The following SLC14A2 variants were observed in gnomAD, a reference collection of about 807,000 sequenced individuals.
SLC14A2 encodes solute carrier family 14 member 2, also known as urea transporter 2.
In SLC14A2, 91 loss-of-function variants were observed where a neutral mutation model predicts 104.6. The observed-to-expected ratio is 0.87, with a 90% CI of 0.73 to 1.04. The LOEUF (loss-of-function observed/expected upper bound fraction) is 1.04, where lower values mean the gene tolerates loss of function less well. Among genes scored for constraint, SLC14A2 ranks in the 50% least tolerant of loss-of-function variants. The pLI is 0.00. For missense variants in SLC14A2, 1,189 were observed against 1,156.0 expected (o/e 1.03, Z -0.41); for synonymous variants, 476 against 466.4 (o/e 1.02, Z -0.27).
intron 2 of SLC14A2, among the ~76,000 whole-genome samples, chr18:45,500,471 G>A (rs1205049346): frequency 2.6e-5 from 4 of 151,788 alleles, no homozygotes; most frequent in African/African-American, 9.7e-5. Context: ...CAGCTACTCG[G>A]GAGGCTGAGG....
intron 2 of SLC14A2, among the ~76,000 whole-genome samples, chr18:45,589,870 A>G (rs1161833720): frequency 6.6e-6 from 1 of 152,142 alleles, no homozygotes; most frequent in Non-Finnish European, 1.5e-5. Flanking sequence ...TGAAGAAAGA[A>G]TGCAAAGAAA....
intron 1 of SLC14A2, among the ~76,000 whole-genome samples, chr18:45,331,351 G>A (rs1216664347): frequency 1.3e-5 from 2 of 152,152 alleles, no homozygotes; most frequent in East Asian, 1.9e-4. Flanking sequence ...TTCTAAAGAT[G>A]GCAAAGAAGT....
intron 1 of SLC14A2, among the ~76,000 whole-genome samples, chr18:45,620,068 G>A (rs965301552): frequency 1.3e-5 from 2 of 152,164 alleles, no homozygotes; most frequent in African/African-American, 2.4e-5. Context: ...TGCATGTCTC[G>A]CCCCCTACCC....
intron 2 of SLC14A2, among the ~76,000 whole-genome samples, chr18:45,505,673 GC>G (rs1401995778): frequency 2.0e-5 from 3 of 151,616 alleles, no homozygotes; most frequent in Non-Finnish European, 4.4e-5. Flanking sequence ...GTAGTCCTCG[GC>G]CCCCCGAGCA....
intron 13 of SLC14A2, 143 bp from the exon 14 acceptor site, chr18:45,667,690 C>A: frequency 1.5e-6 from 1 of 656,246 alleles, no homozygotes; most frequent in Non-Finnish European, 2.7e-6. Context: ...CCTTGTTTAC[C>A]ATCTTTGGTG....
intron 1 of SLC14A2, among the ~76,000 whole-genome samples, chr18:45,225,840 G>A (rs1038570245): frequency 1.3e-5 from 2 of 152,154 alleles, no homozygotes; most frequent in Non-Finnish European, 2.9e-5. Context: ...CACTGACTTT[G>A]TATCCTGAGA....
intron 1 of SLC14A2, among the ~76,000 whole-genome samples, chr18:45,280,025 C>A (rs1314740261): frequency 1.3e-5 from 2 of 152,198 alleles, no homozygotes; most frequent in Non-Finnish European, 2.9e-5. Context: ...AATATCTCTA[C>A]ACATTGCCAA....
chr18:45,463,426 G>A (rs2087081439), intron 1 of SLC14A2, among the ~76,000 whole-genome samples: 1 of 152,230 alleles, frequency 6.6e-6, no homozygotes, highest in Non-Finnish European at 1.5e-5. Context: ...GGGAGATGAT[G>A]AGGGGGGAGC....
chr18:45,512,385 GT>G (rs1336629771), intron 2 of SLC14A2, among the ~76,000 whole-genome samples: 2 of 152,186 alleles, frequency 1.3e-5, no homozygotes, highest in Non-Finnish European at 2.9e-5. Context: ...TCCTTTCTCA[GT>G]TTTACACTGC....
Position 45,672,911 on chromosome 18 carries a change from C to A in SLC14A2, c.2241C>A (p.Ala747=). The A allele has an allele frequency of 6.2e-7, 1 of 1,613,484 alleles. No homozygotes were observed. The highest frequency in any genetic ancestry group is 2.2e-5 in the East Asian group (1 of 44,876). Residue 747 remains alanine, a synonymous_variant, in exon 17 of 20, where the codon GCC becomes GCA. Transcript: ENST00000255226. ...SEVQVPLLLR[A]IPVGIGQVYG... ...TGTTATGCCTACAGCTTTTGAGAGC[C>A]ATCCCCGTTGGAATTGGCCAAGTGT...
intron 1 of SLC14A2, among the ~76,000 whole-genome samples, chr18:45,249,296 T>A (rs79446589): frequency 2.0e-5 from 3 of 151,600 alleles, no homozygotes; most frequent in Non-Finnish European, 2.9e-5. Context: ...TTTTTTTTTT[T>A]ATCTGCCCTG....
intron 1 of SLC14A2, among the ~76,000 whole-genome samples, chr18:45,350,185 G>A (rs1392799780): frequency 1.3e-5 from 2 of 152,234 alleles, no homozygotes; most frequent in East Asian, 1.9e-4. Context: ...TAGCCAGAAA[G>A]CCAGAGAAAC....
intron 1 of SLC14A2, among the ~76,000 whole-genome samples, chr18:45,468,170 A>T (rs1352737708): frequency 6.6e-6 from 1 of 152,094 alleles, no homozygotes; most frequent in Non-Finnish European, 1.5e-5. Flanking sequence ...ATTTGAAAGG[A>T]TGCAGGAGGC....
At chr18:45,556,519 C>T (rs549766293) in intron 2 of SLC14A2, among the ~76,000 whole-genome samples, 2 of 152,270 alleles carry the variant, frequency 1.3e-5, no homozygotes, top group South Asian at 4.2e-4. Context: ...TCTGGGTTCT[C>T]GGCCTACTTC....
chr18:45,480,631 A>G (rs2087473952), intron 1 of SLC14A2, among the ~76,000 whole-genome samples: 1 of 152,190 alleles, frequency 6.6e-6, no homozygotes, highest in African/African-American at 2.4e-5. Context: ...CCCACAGCCC[A>G]CATAACCAGA....
intron 1 of SLC14A2, among the ~76,000 whole-genome samples, chr18:45,328,563 T>C (rs2085258791): frequency 6.6e-6 from 1 of 152,108 alleles, no homozygotes; most frequent in Non-Finnish European, 1.5e-5. Context: ...CTTGGAGGGG[T>C]ATTTGGACAT....
At chr18:45,455,829 C>T (rs1375701882) in intron 1 of SLC14A2, among the ~76,000 whole-genome samples, 5 of 151,912 alleles carry the variant, frequency 3.3e-5, no homozygotes, top group African/African-American at 1.2e-4. Context: ...GTATATTAGA[C>T]AAAAGCTATG....
intron 1 of SLC14A2, among the ~76,000 whole-genome samples, chr18:45,264,609 A>C (rs772882939): frequency 3.9e-5 from 6 of 152,292 alleles, no homozygotes; most frequent in Middle Eastern, 3.4e-3. Context: ...GGAGGAGCAA[A>C]ATCATGTCTT....
intron 10 of SLC14A2, among the ~76,000 whole-genome samples, chr18:45,651,669 C>CG (rs2045739597): frequency 6.6e-6 from 1 of 152,116 alleles, no homozygotes. Context: ...ATTACCACTG[C>CG]GGCCTCTCTT....
Sources: gnomAD v4.1 joint callset for allele counts (sites outside exome capture counted in the v4.1 genomes callset) on GRCh38, gnomAD v4.1.1 for gene constraint, MANE v1.5 for transcripts, NCBI Gene and HGNC (gene_info 2026-07-23, HGNC 2026-07-21) for gene names.